ALG1L2: variants seen among roughly 807,000 people sequenced by gnomAD.
ALG1L2 encodes the protein putative glycosyltransferase ALG1L2.
In ALG1L2, 32 loss-of-function variants were observed where a neutral mutation model predicts 29.0. That is an observed-to-expected ratio of 1.10 (90% CI 0.83 to 1.48). The LOEUF is 1.48. Among genes scored for constraint, ALG1L2 ranks in the 40% most tolerant of loss-of-function variants. ALG1L2 has a pLI of 0.00. For synonymous variants in ALG1L2, 110 were observed against 109.5 expected (o/e 1.00, Z -0.03); for missense variants, 318 against 274.1 (o/e 1.16, Z -1.13).
Position 130,096,061 on chromosome 3 carries a change from T to G in ALG1L2, c.437T>G (p.Leu146Arg), listed in dbSNP as rs1177540936. 1.9e-6 allele frequency: 3 copies of G among 1,608,154 alleles called. No homozygotes were observed. Among genetic ancestry groups the G allele is most frequent in the Non-Finnish European group, 2.5e-6 (3 of 1,178,642 alleles). ...GLPPLLGSVD[L>R]DVCLDTSSSG... is the part of the protein sequence containing the mutation. The stretch of plus-strand genomic sequence containing the variant: ...TCTTGCCTAGCAGGGTCGGTGGACC[T>G]GGATGTCTGTCTGGACACGTCCTCC... The change falls in exon 6 of 8, where the codon CTG (leucine) becomes CGG (arginine). Residue 146 changes from leucine (L) to arginine (R), a missense_variant. Leu to Arg is a moderately radical substitution (Grantham distance 102). Coordinates refer to ENST00000425059, the MANE Select transcript of ALG1L2 (RefSeq NM_001136152.1).
intron 5 of ALG1L2, among the ~76,000 whole-genome samples, chr3:130,094,936 G>A (rs1935098536): frequency 6.6e-6 from 1 of 152,214 alleles, no homozygotes; most frequent in Admixed American, 6.5e-5. Flanking sequence ...TTCTCCAAGT[G>A]GGGAGTCGTG....
Position 130,083,065 on chromosome 3 carries a change from G to T in ALG1L2, c.20+1029G>T, listed in dbSNP as rs114736948. Among the ~76,000 whole-genome samples, 3 of 91,146 alleles carry T rather than the reference G, an allele frequency of 3.3e-5. No homozygotes were observed. The East Asian group carries it at 9.0e-4, about 27-fold the overall frequency. 59.8% of individuals were successfully genotyped at this position (91,146 alleles called of 152,430 possible). A position where few individuals can be genotyped will look rare whatever the true frequency, so the allele number is the denominator to read the frequency against. On this transcript the variant is annotated intron_variant, in intron 1 of 7. Coordinates refer to ENST00000425059, the MANE Select transcript of ALG1L2 (RefSeq NM_001136152.1). The stretch of plus-strand genomic sequence containing the variant: ...AGGCAAAGATAGCAGAGTCATAGTT[G>T]TTTTTCCTTTCAATTCTTCCTTATG...
chr3:130,092,597 C>A (rs1405423519), intron 3 of ALG1L2, among the ~76,000 whole-genome samples: 1 of 152,144 alleles, frequency 6.6e-6, no homozygotes, highest in Non-Finnish European at 1.5e-5. Context: ...CCCTGAATCC[C>A]CAGTTGGGTC....
chr3:130,088,247 T>C (rs116280556), intron 1 of ALG1L2, among the ~76,000 whole-genome samples: 3,718 of 152,296 alleles, frequency 0.024, 2 homozygotes, highest in Middle Eastern at 0.068. Context: ...AGGAAGAAGA[T>C]GCCCAGCTCA....
At chr3:130,094,576 G>T in intron 5 of ALG1L2, 63 bp downstream of exon 5, 1 of 1,260,936 alleles carries the variant, frequency 7.9e-7, no homozygotes, top group East Asian at 2.6e-5. Flanking sequence ...ACAGGGGTGG[G>T]CGGGGTGTAC....
At chr3:130,089,346 T>A (rs1934960265) in intron 1 of ALG1L2, 2 of 152,326 alleles carry the variant, frequency 1.3e-5, no homozygotes, top group Non-Finnish European at 2.9e-5. Context: ...CCCTCTGCCC[T>A]GCCCTAGACT....
intron 5 of ALG1L2, among the ~76,000 whole-genome samples, chr3:130,094,872 G>A (rs1408341272): frequency 1.3e-5 from 2 of 152,196 alleles, no homozygotes; most frequent in Admixed American, 6.5e-5. Context: ...GTCAGACAGC[G>A]TCGCCTCACC....
chr3:130,094,348 C>T, intron 4 of ALG1L2, 55 bp from the exon 5 acceptor site: 1 of 1,565,368 alleles, frequency 6.4e-7, no homozygotes, highest in Non-Finnish European at 8.7e-7. Flanking sequence ...GGGCCTGGGG[C>T]TATGTGGCAG....
At position 130,091,368 on chromosome 3, in the gene ALG1L2, C is replaced by A. The variant is rs749296563; in HGVS notation, c.128C>A (p.Ala43Asp). 6.3e-7 allele frequency: 1 copy of A among 1,596,544 alleles called. No homozygotes were observed. The highest frequency in any genetic ancestry group is 1.3e-5 in the African/African-American group (1 of 74,854). ...KLGSTHSPFR[A>D]RSEPEDPDTE... is the part of the protein sequence containing the mutation. ...GGCAGCACGCACTCTCCGTTCAGGG[C>A]CCGGTAGGCCTCCCACCCTCAGCTG... The change falls in exon 2 of 8, where the codon GCC becomes GAC. Residue 43 changes from alanine (A) to aspartate (D), a missense_variant. Coordinates refer to ENST00000425059, the MANE Select transcript of ALG1L2 (RefSeq NM_001136152.1).
chr3:130,084,713 G>A lies in ALG1L2; in HGVS notation c.20+2677G>A, dbSNP rs1431501792. ...TCTTACACCTGCAGGCCAGAGGGCT[G>A]AGATGAAGGGATTGTCAGGGCCAGG... On this transcript the variant is annotated intron_variant, in intron 1 of 7. Coordinates refer to ENST00000425059, the MANE Select transcript of ALG1L2 (RefSeq NM_001136152.1). Among the ~76,000 whole-genome samples, 2 of 127,278 alleles carry A rather than the reference G, an allele frequency of 1.6e-5. 1 individual carries two copies. The highest frequency in any genetic ancestry group is 3.6e-5 in the Non-Finnish European group (2 of 55,444). The allele number at this position is 127,278 out of a possible 152,430, so 83.5% of individuals were successfully genotyped here.
chr3:130,082,269 A>G (rs1202936592), intron 1 of ALG1L2, among the ~76,000 whole-genome samples: 1 of 139,110 alleles, frequency 7.2e-6, no homozygotes, highest in East Asian at 2.0e-4. Flanking sequence ...TCCCGAGCTG[A>G]GAGGGACCCC....
intron 5 of ALG1L2, among the ~76,000 whole-genome samples, chr3:130,095,180 T>C (rs1008826444): frequency 1.2e-4 from 18 of 152,108 alleles, no homozygotes; most frequent in African/African-American, 4.3e-4. Context: ...ACAGGAGCTC[T>C]CCACAACACC....
rs1175730587 is a variant in ALG1L2, at chr3:130,085,123, T to C, written c.20+3087T>C. On this transcript the variant is annotated intron_variant, in intron 1 of 7. Coordinates refer to ENST00000425059, the MANE Select transcript of ALG1L2 (RefSeq NM_001136152.1). Reference sequence around the variant, plus strand: ...ACAGGTGCCCACCACTGTGCCCAACTAATTTTTTTGTATTTTTAGTAGAGA... The same window carrying C: ...ACAGGTGCCCACCACTGTGCCCAACCAATTTTTTTGTATTTTTAGTAGAGA... Among the ~76,000 whole-genome samples the C allele has an allele frequency of 5.5e-5, 7 of 127,250 alleles. 1 individual carries two copies. The highest frequency in any genetic ancestry group is 1.3e-4 in the African/African-American group (5 of 38,188). 83.5% of individuals were successfully genotyped at this position (127,250 alleles called of 152,430 possible).
chr3:130,095,587 C>G (rs999337537), intron 5 of ALG1L2, among the ~76,000 whole-genome samples: 5 of 151,690 alleles, frequency 3.3e-5, no homozygotes, highest in Admixed American at 1.3e-4. Flanking sequence ...CAGGCACCTG[C>G]CATGACGCTT....
intron 1 of ALG1L2, chr3:130,090,613 C>T (rs1174943649): frequency 6.6e-6 from 1 of 152,492 alleles, no homozygotes; most frequent in Non-Finnish European, 1.5e-5. Context: ...CTTTTTAACC[C>T]AGTCTGTGAG....
At position 130,097,951 on chromosome 3, in the gene ALG1L2, C is replaced by A. The variant is rs189028684; in HGVS notation, c.616-272C>A. On this transcript the variant is annotated intron_variant, in intron 7 of 7. Transcript: ENST00000425059. ...GGGTGGGACTGTGTTGGCCAGAGGCCGAGAGGAGGGTGCTCACAGGGGAAC... is the reference window on the plus strand; with the variant it reads ...GGGTGGGACTGTGTTGGCCAGAGGCAGAGAGGAGGGTGCTCACAGGGGAAC... Among the ~76,000 whole-genome samples, 892 of 152,306 alleles carry A rather than the reference C, an allele frequency of 5.9e-3. 9 individuals are homozygous for A. The highest frequency in any genetic ancestry group is 0.02 in the African/African-American group (816 of 41,554).
In ALG1L2 at chr3:130,096,612, G is replaced by T. The variant is rs1363886628; in HGVS notation, c.539+449G>T. Among the ~76,000 whole-genome samples, 3 of 152,174 alleles carry T rather than the reference G, an allele frequency of 2.0e-5. No individual in the cohort carries two copies. The East Asian group carries it at 5.8e-4, about 29-fold the overall frequency. On this transcript the variant is annotated intron_variant, in intron 6 of 7. Coordinates refer to ENST00000425059, the MANE Select transcript of ALG1L2 (RefSeq NM_001136152.1). ...GTGGGTTTGAATCAGTTAAATGAGT[G>T]TCATGCTGTGGCCTCACTCCACCCA...
intron 1 of ALG1L2, among the ~76,000 whole-genome samples, chr3:130,088,334 G>A (rs549783612): frequency 2.6e-5 from 4 of 152,426 alleles, no homozygotes; most frequent in South Asian, 2.1e-4. Context: ...GCTGTGGGAG[G>A]GACCTAGTGG....
At chr3:130,097,377 G>A (rs1935165802) in intron 7 of ALG1L2, 127 bp downstream of exon 7, 1 of 1,422,476 alleles carries the variant, frequency 7.0e-7, no homozygotes, top group Non-Finnish European at 9.3e-7. Context: ...AAGCTAGGGA[G>A]GGAGCAGAAG....
Sources: gnomAD v4.1 joint callset for allele counts (sites outside exome capture counted in the v4.1 genomes callset) on GRCh38, gnomAD v4.1.1 for gene constraint, MANE v1.5 for transcripts, NCBI Gene and HGNC (gene_info 2026-07-23, HGNC 2026-07-21) for gene names.